The following UNC13B variants were observed in gnomAD, a reference collection of about 807,000 sequenced individuals.
The protein encoded by UNC13B is unc-13 homolog B, also known as protein unc-13 homolog B.
UNC13B carries 144 observed loss-of-function variants against 211.0 expected under a neutral mutation model. That is an observed-to-expected ratio of 0.68 (90% CI 0.60 to 0.78). The LOEUF (loss-of-function observed/expected upper bound fraction) is 0.78. UNC13B is among the 30% of genes least tolerant of loss of function. The pLI is 0.00. For synonymous variants in UNC13B, 709 were observed against 725.8 expected (o/e 0.98, Z 0.37); for missense variants, 1,777 against 2,002.0 (o/e 0.89, Z 2.14).
chr9:35,385,856 C>G (rs766094557), intron 23 of UNC13B, 43 bp downstream of exon 23: 2 of 1,581,540 alleles, frequency 1.3e-6, no homozygotes, highest in East Asian at 2.3e-5. Context: ...GGCTGGAGAC[C>G]TGGCTACAGG....
At chr9:35,274,155 C>T (rs1587518743) in intron 7 of UNC13B, among the ~76,000 whole-genome samples, 2 of 152,292 alleles carry the variant, frequency 1.3e-5, no homozygotes, top group East Asian at 3.9e-4. Flanking sequence ...CAGTAGCCAC[C>T]ATACTGATAA....
At chr9:35,254,840 A>G (rs1826726434) in intron 6 of UNC13B, among the ~76,000 whole-genome samples, 1 of 142,142 alleles carries the variant, frequency 7.0e-6, no homozygotes, top group Non-Finnish European at 1.5e-5. Context: ...CCTAGTCCTT[A>G]CGCTTTTTCT....
In UNC13B at chr9:35,305,090, C is replaced by T. The variant is rs946939373; in HGVS notation, c.5686C>T (p.Arg1896Cys). Residue 1896 changes from arginine (R) to cysteine (C), a missense_variant, in exon 9 of 40, where the codon CGT (arginine) becomes TGT (cysteine). Coordinates refer to ENST00000635942, the MANE Select transcript of UNC13B (RefSeq NM_001371189.2). ...SPAPQHSGDERENYELPQGQS... is the reference protein window; with the variant it reads ...SPAPQHSGDECENYELPQGQS... ...TGCACCTCAGCATAGTGGGGATGAG[C>T]GTGAGAATTATGAGCTTCCCCAGGG... The T allele has an allele frequency of 6.0e-5, 24 of 398,706 alleles. No homozygotes were observed. Among genetic ancestry groups the T allele is most frequent in the African/African-American group, 1.6e-4 (8 of 48,556 alleles). The allele number at this position is 398,706 out of a possible 1,614,324, so 24.7% of individuals were successfully genotyped here. A position where few individuals can be genotyped will look rare whatever the true frequency, so the allele number is the denominator to read the frequency against.
intron 1 of UNC13B, among the ~76,000 whole-genome samples, chr9:35,173,425 C>CTT (rs11306638): frequency 2.8e-5 from 4 of 142,520 alleles, no homozygotes; most frequent in Admixed American, 7.1e-5. Context: ...CATAATCTAT[C>CTT]TTTTTTTTTT....
intron 1 of UNC13B, among the ~76,000 whole-genome samples, chr9:35,225,062 CA>C (rs1226877562): frequency 2.0e-5 from 3 of 151,964 alleles, no homozygotes; most frequent in African/African-American, 7.2e-5. Context: ...TCGTATGTGA[CA>C]AACCCATAGC....
At chr9:35,178,351 A>G (rs941350572) in intron 1 of UNC13B, among the ~76,000 whole-genome samples, 3 of 152,100 alleles carry the variant, frequency 2.0e-5, no homozygotes, top group Admixed American at 2.0e-4. Flanking sequence ...CTCTACAAAA[A>G]TTAGGCATGG....
rs56971215 is a variant in UNC13B, at chr9:35,228,703, AGTGTGTGTGTGTGTGTGTGT to A, written c.52+686_52+705del. 1.0e-4 allele frequency among the ~76,000 whole-genome samples: 14 copies of A among 140,602 alleles called. 1 individual carries two copies. Among genetic ancestry groups the A allele is most frequent in the Admixed American group, 5.7e-4 (8 of 14,044 alleles). The allele number at this position is 140,602 out of a possible 152,430, so 92.2% of individuals were successfully genotyped here. A position where few individuals can be genotyped will look rare whatever the true frequency, so the allele number is the denominator to read the frequency against. On this transcript the variant is annotated intron_variant, in intron 2 of 39. Coordinates refer to ENST00000635942, the MANE Select transcript of UNC13B (RefSeq NM_001371189.2). Reference sequence around the variant, plus strand: ...TTTTCCCCCAGCAACACATCATGAAAGTGTGTGTGTGTGTGTGTGTGTGTGTGTGTGTGTGTGTGTGTGTG... The same window carrying A: ...TTTTCCCCCAGCAACACATCATGAAAGTGTGTGTGTGTGTGTGTGTGTGTG...
chr9:35,325,853 T>C (rs1273847326), intron 11 of UNC13B, among the ~76,000 whole-genome samples: 2 of 152,246 alleles, frequency 1.3e-5, no homozygotes, highest in African/African-American at 4.8e-5. Flanking sequence ...GATTCTTTTA[T>C]TTAGCTTAAT....
At position 35,303,212 on chromosome 9, in the gene UNC13B, T is replaced by C. The variant is rs370712960; in HGVS notation, c.3808T>C (p.Tyr1270His). 6.1e-4 allele frequency: 244 copies of C among 398,654 alleles called. 2 individuals carry two copies. The South Asian group carries it at 0.019, about 32-fold the overall frequency. 24.7% of individuals were successfully genotyped at this position (398,654 alleles called of 1,614,324 possible). A position where few individuals can be genotyped will look rare whatever the true frequency, so the allele number is the denominator to read the frequency against. Residue 1270 changes from tyrosine (Y) to histidine (H), a missense_variant, in exon 9 of 40, where the codon TAT becomes CAT. Tyr to His is a moderately conservative substitution (Grantham distance 83, BLOSUM62 2). Coordinates refer to ENST00000635942, the MANE Select transcript of UNC13B (RefSeq NM_001371189.2). ...ATCTGATGCTGGGGATGATAATCAT[T>C]ATTGTTCCCCTACAGAGAAAAACCA... ...PLSDAGDDNH[Y>H]CSPTEKNQQS...
At chr9:35,365,940 C>T (rs1219866259) in intron 11 of UNC13B, among the ~76,000 whole-genome samples, 1 of 152,050 alleles carries the variant, frequency 6.6e-6, no homozygotes, top group East Asian at 1.9e-4. Flanking sequence ...TTAGCTCTGT[C>T]CTATCTGTCC....
chr9:35,303,194 G>T lies in UNC13B; in HGVS notation c.3790G>T (p.Ala1264Ser). The change falls in exon 9 of 40, where the codon GCT becomes TCT. Residue 1264 changes from alanine to serine, a missense_variant. Coordinates refer to ENST00000635942, the MANE Select transcript of UNC13B (RefSeq NM_001371189.2). ...TAAAGAAAACATACCATTATCTGAT[G>T]CTGGGGATGATAATCATTATTGTTC... is the stretch of plus-strand genomic sequence containing the variant. ...LPKENIPLSD[A>S]GDDNHYCSPT... The T allele has an allele frequency of 2.5e-6, 1 of 398,678 alleles. No homozygotes were observed. Among genetic ancestry groups the T allele is most frequent in the Non-Finnish European group, 4.4e-6 (1 of 225,796 alleles). The allele number at this position is 398,678 out of a possible 1,614,324, so 24.7% of individuals were successfully genotyped here. A position where few individuals can be genotyped will look rare whatever the true frequency, so the allele number is the denominator to read the frequency against.
chr9:35,177,983 T>C (rs1486264967), intron 1 of UNC13B, among the ~76,000 whole-genome samples: 1 of 152,140 alleles, frequency 6.6e-6, no homozygotes, highest in East Asian at 1.9e-4. Context: ...GGAGATGATT[T>C]GGGTGTTGGA....
intron 11 of UNC13B, among the ~76,000 whole-genome samples, chr9:35,322,503 C>T (rs1407743092): frequency 6.6e-6 from 1 of 152,014 alleles, no homozygotes; most frequent in African/African-American, 2.4e-5. Context: ...ATGAGAAGGC[C>T]TGGGTTTAAA....
At chr9:35,229,058 A>G (rs1313253433) in intron 2 of UNC13B, among the ~76,000 whole-genome samples, 1 of 152,142 alleles carries the variant, frequency 6.6e-6, no homozygotes, top group Non-Finnish European at 1.5e-5. Flanking sequence ...AAGTTTATGA[A>G]CATTTATTTT....
rs769131506 is a variant in UNC13B, at chr9:35,376,078, G to T, written c.9666G>T (p.Ser3222=). The T allele has an allele frequency of 6.2e-7, 1 of 1,614,094 alleles. No individual in the cohort carries two copies. Among genetic ancestry groups the T allele is most frequent in the Non-Finnish European group, 8.5e-7 (1 of 1,180,048 alleles). ...TGCAGGCCTTAATCTACCCCATTTCGTGCACCACTCCTCATAACTTTGAGG... is the reference window on the plus strand; with the variant it reads ...TGCAGGCCTTAATCTACCCCATTTCTTGCACCACTCCTCATAACTTTGAGG... ...KTLQALIYPI[S]CTTPHNFEVW... The change falls in exon 15 of 40, where the codon TCG becomes TCT. Residue 3222 remains serine (S), a synonymous_variant. Transcript: ENST00000635942.
At chr9:35,399,563 T>C in intron 35 of UNC13B, 86 bp from the exon 36 acceptor site, 1 of 1,598,922 alleles carries the variant, frequency 6.3e-7, no homozygotes, top group Non-Finnish European at 8.6e-7. Context: ...AAGGAGGAGA[T>C]GAATATGCAC....
chr9:35,337,362 G>A (rs1311656024), intron 11 of UNC13B, among the ~76,000 whole-genome samples: 1 of 152,168 alleles, frequency 6.6e-6, no homozygotes, highest in Admixed American at 6.5e-5. Context: ...AAAGGGCTTT[G>A]CAGGGGCTTC....
chr9:35,190,922 A>G (rs1385598506), intron 1 of UNC13B, among the ~76,000 whole-genome samples: 1 of 152,152 alleles, frequency 6.6e-6, no homozygotes, highest in Non-Finnish European at 1.5e-5. Flanking sequence ...ACAAGCCTTA[A>G]TTAGTTTATG....
intron 24 of UNC13B, among the ~76,000 whole-genome samples, chr9:35,386,776 C>G (rs1003110004): frequency 1.4e-4 from 21 of 152,228 alleles, no homozygotes; most frequent in African/African-American, 4.8e-4. Flanking sequence ...CATCCACTGG[C>G]TATCAAGACT....
Sources: allele counts gnomAD v4.1 joint callset (sites outside exome capture counted in the v4.1 genomes callset), GRCh38; gene constraint gnomAD v4.1.1; transcripts MANE v1.5; gene names NCBI Gene and HGNC (gene_info 2026-07-23, HGNC 2026-07-21).